Variants in SGCD observed in about 807,000 individuals in gnomAD.
SGCD encodes the protein delta-sarcoglycan.
A neutral mutation model predicts 36.6 loss-of-function variants in SGCD; 18 were observed. The ratio of observed to expected loss-of-function variants is 0.49; its 90% CI spans 0.34 to 0.73. SGCD has a LOEUF of 0.73. Among genes scored for constraint, SGCD ranks in the 30% least tolerant of loss-of-function variants. SGCD has a pLI of 0.01. For synonymous variants in SGCD, 133 were observed against 130.6 expected (o/e 1.02, Z -0.12); for missense variants, 387 against 346.7 (o/e 1.12, Z -0.92).
intron 3 of SGCD, among the ~76,000 whole-genome samples, chr5:156,181,052 G>A (rs1763594596): frequency 6.6e-6 from 1 of 152,148 alleles, no homozygotes; most frequent in Admixed American, 6.5e-5. Context: ...AGAAATTCCA[G>A]AGTTTCTCTC....
At chr5:156,355,525 G>A (rs1209126671) in intron 3 of SGCD, among the ~76,000 whole-genome samples, 1 of 152,162 alleles carries the variant, frequency 6.6e-6, no homozygotes, top group Non-Finnish European at 1.5e-5. Context: ...CTTTTGTTGG[G>A]TGAAGAGCTG....
At chr5:155,970,036 C>T (rs1561667263) in intron 1 of SGCD, among the ~76,000 whole-genome samples, 1 of 151,850 alleles carries the variant, frequency 6.6e-6, no homozygotes, top group Admixed American at 6.6e-5. Context: ...ACACACACAA[C>T]CTAACGATAA....
chr5:156,471,582 G>A (rs945430237), intron 3 of SGCD, among the ~76,000 whole-genome samples: 5 of 152,032 alleles, frequency 3.3e-5, no homozygotes, highest in Non-Finnish European at 7.4e-5. Context: ...TTACAAATGT[G>A]TAGGAAAAAG....
the SGCD span, among the ~76,000 whole-genome samples, chr5:155,842,687 T>C: frequency 6.6e-6 from 1 of 152,200 alleles, no homozygotes; most frequent in East Asian, 1.9e-4. Flanking sequence ...AGCTGTATTA[T>C]GAAAACTAAC....
At chr5:155,840,624 A>G in the SGCD span, among the ~76,000 whole-genome samples, 3 of 150,992 alleles carry the variant, frequency 2.0e-5, no homozygotes, top group South Asian at 2.1e-4. Flanking sequence ...TTCTTACTAC[A>G]GGATTATCCA....
chr5:155,730,445 C>CTGTGTGTGTGTGTGTGTGTGTG, the SGCD span, among the ~76,000 whole-genome samples: 9,720 of 136,966 alleles, frequency 0.071, 484 homozygotes, highest in Non-Finnish European at 0.081. Context: ...GGTAGAGCAG[C>CTGTGTGTGTGTGTGTGTGTGTG]TGTGTGTGTG....
chr5:155,836,043 G>T, the SGCD span, among the ~76,000 whole-genome samples: 1 of 152,186 alleles, frequency 6.6e-6, no homozygotes, highest in Non-Finnish European at 1.5e-5. Flanking sequence ...ATCCCCTGTG[G>T]ATAACAGGGA....
chr5:156,072,143 A>G (rs908052055), intron 1 of SGCD, among the ~76,000 whole-genome samples: 2 of 150,882 alleles, frequency 1.3e-5, no homozygotes, highest in Non-Finnish European at 2.9e-5. Flanking sequence ...TAAAGTTAAT[A>G]TTGTTATGTG....
At chr5:156,694,749 A>G (rs1007480686) in intron 7 of SGCD, among the ~76,000 whole-genome samples, 1 of 152,194 alleles carries the variant, frequency 6.6e-6, no homozygotes, top group Non-Finnish European at 1.5e-5. Flanking sequence ...GAAGATTGAT[A>G]TGATACATTT....
intron 3 of SGCD, among the ~76,000 whole-genome samples, chr5:156,493,936 C>A (rs1012368378): frequency 5.3e-5 from 8 of 152,150 alleles, no homozygotes; most frequent in Non-Finnish European, 8.8e-5. Flanking sequence ...CCCACATCCT[C>A]TTGACACTGG....
intron 7 of SGCD, among the ~76,000 whole-genome samples, chr5:156,703,507 T>G (rs535582652): frequency 6.6e-6 from 1 of 152,238 alleles, no homozygotes; most frequent in Non-Finnish European, 1.5e-5. Context: ...ACTTTTAACA[T>G]GCATTTAAAA....
the SGCD span, among the ~76,000 whole-genome samples, chr5:155,761,733 C>T: frequency 2.0e-4 from 28 of 141,712 alleles, no homozygotes; most frequent in African/African-American, 7.3e-4. Flanking sequence ...TTCACCATTG[C>T]CCTTTCCATC....
At chr5:156,574,683 A>G (rs1193451022) in intron 4 of SGCD, among the ~76,000 whole-genome samples, 1 of 152,162 alleles carries the variant, frequency 6.6e-6, no homozygotes, top group Non-Finnish European at 1.5e-5. Flanking sequence ...CAAATCAGTC[A>G]GCATTAGACT....
chr5:155,975,860 C>A (rs1758103178), intron 1 of SGCD, among the ~76,000 whole-genome samples: 1 of 151,624 alleles, frequency 6.6e-6, no homozygotes, highest in Non-Finnish European at 1.5e-5. Context: ...AAACTCCTGA[C>A]CTCAGGTGAT....
At chr5:156,138,842 T>C (rs1024884658) in intron 3 of SGCD, among the ~76,000 whole-genome samples, 1 of 152,222 alleles carries the variant, frequency 6.6e-6, no homozygotes, top group African/African-American at 2.4e-5. Flanking sequence ...TTCTTGTCAA[T>C]ACTTGGTATT....
At chr5:156,384,395 C>T (rs1416641261) in intron 3 of SGCD, among the ~76,000 whole-genome samples, 1 of 152,092 alleles carries the variant, frequency 6.6e-6, no homozygotes, top group Non-Finnish European at 1.5e-5. Context: ...GTGAATGTTT[C>T]CTATCAAAGC....
At chr5:156,151,876 A>G (rs569284004) in intron 3 of SGCD, among the ~76,000 whole-genome samples, 1 of 151,218 alleles carries the variant, frequency 6.6e-6, no homozygotes, top group East Asian at 1.9e-4. Context: ...ATAGTCTCCA[A>G]GGAAGGCCCT....
Position 156,688,439 on chromosome 5 carries a change from C to G in SGCD, c.575+40903C>G, listed in dbSNP as rs141028444. ...AAGCAGCAGCTACTCCACCTGCCCT[C>G]TTACTTAAGGGTCTTTGATAGTAAA... On this transcript the variant is annotated intron_variant, in intron 7 of 8. Coordinates refer to ENST00000337851, the MANE Select transcript of SGCD (RefSeq NM_000337.6). Among the ~76,000 whole-genome samples, 574 of 152,296 alleles carry G rather than the reference C, an allele frequency of 3.8e-3. 6 individuals are homozygous for G. The highest frequency in any genetic ancestry group is 0.013 in the African/African-American group (538 of 41,568).
At chr5:155,921,936 CCTA>C in intron 1 of SGCD, among the ~76,000 whole-genome samples, 2 of 152,292 alleles carry the variant, frequency 1.3e-5, no homozygotes, top group African/African-American at 4.8e-5. Flanking sequence ...GCCTAATGCA[CCTA>C]CTATGTGTAA....
Sources: allele counts gnomAD v4.1 joint callset (sites outside exome capture counted in the v4.1 genomes callset), GRCh38; gene constraint gnomAD v4.1.1; transcripts MANE v1.5; gene names NCBI Gene and HGNC (gene_info 2026-07-23, HGNC 2026-07-21).